Variants in EFL1 observed in about 807,000 individuals in gnomAD.
The protein encoded by EFL1 is elongation factor-like GTPase 1.
A neutral mutation model predicts 126.7 loss-of-function variants in EFL1; 76 were observed. The observed-to-expected ratio is 0.60, with a 90% CI of 0.50 to 0.73. EFL1 has a LOEUF of 0.73. EFL1 is among the 30% of genes least tolerant of loss of function. EFL1 has a pLI of 0.00. For missense variants in EFL1, 1,128 were observed against 1,343.2 expected (o/e 0.84, Z 2.50); for synonymous variants, 410 against 448.4 (o/e 0.91, Z 1.08).
intron 19 of EFL1, among the ~76,000 whole-genome samples, chr15:82,136,108 T>TA (rs373142289): frequency 0.011 from 1,672 of 145,834 alleles, 18 homozygotes; most frequent in South Asian, 0.037. Flanking sequence ...TACATTTTTC[T>TA]AAAAAAAAAA....
intron 15 of EFL1, among the ~76,000 whole-genome samples, chr15:82,167,250 T>G (rs2074089270): frequency 6.6e-6 from 1 of 152,194 alleles, no homozygotes; most frequent in African/African-American, 2.4e-5. Flanking sequence ...TGAAGATAAG[T>G]GATCAAACCC....
At chr15:82,189,434 A>G (rs904724318) in intron 15 of EFL1, among the ~76,000 whole-genome samples, 1 of 152,172 alleles carries the variant, frequency 6.6e-6, no homozygotes, top group African/African-American at 2.4e-5. Context: ...CATGAATCAC[A>G]TGTTTTTTCC....
intron 15 of EFL1, among the ~76,000 whole-genome samples, chr15:82,197,049 A>T (rs2074416030): frequency 1.3e-5 from 2 of 151,868 alleles, no homozygotes; most frequent in Non-Finnish European, 2.9e-5. Context: ...AAAAAAAAAA[A>T]TTGTGGCATC....
At chr15:82,138,268 T>TC (rs2073743610) in intron 19 of EFL1, among the ~76,000 whole-genome samples, 1 of 152,156 alleles carries the variant, frequency 6.6e-6, no homozygotes, top group Admixed American at 6.5e-5. Flanking sequence ...TATTTTTTTT[T>TC]CCCCTAGAAG....
chr15:82,238,887 C>G (rs1380219425), intron 6 of EFL1, among the ~76,000 whole-genome samples: 1 of 152,124 alleles, frequency 6.6e-6, no homozygotes, highest in Non-Finnish European at 1.5e-5. Flanking sequence ...CTGCCTTGCC[C>G]ATCTCTCACA....
intron 17 of EFL1, chr15:82,157,369 A>T (rs1193715737): frequency 5.8e-6 from 1 of 171,244 alleles, no homozygotes; most frequent in African/African-American, 2.4e-5. Flanking sequence ...TAAGAGAAGA[A>T]GTCTATCCTA....
intron 15 of EFL1, among the ~76,000 whole-genome samples, chr15:82,199,945 C>G (rs1466298811): frequency 6.6e-6 from 1 of 152,094 alleles, no homozygotes; most frequent in Admixed American, 6.5e-5. Flanking sequence ...GAACCAGATT[C>G]AAAAATGAAT....
intron 15 of EFL1, among the ~76,000 whole-genome samples, chr15:82,194,205 C>A (rs1166185825): frequency 6.6e-6 from 1 of 152,126 alleles, no homozygotes; most frequent in Non-Finnish European, 1.5e-5. Context: ...GTTCCTTTAT[C>A]GGGAGGTATC....
chr15:82,138,344 T>A (rs1009240900), intron 19 of EFL1, among the ~76,000 whole-genome samples: 2 of 152,058 alleles, frequency 1.3e-5, no homozygotes, highest in African/African-American at 4.8e-5. Flanking sequence ...AAAATATATA[T>A]TTGGATGAAA....
chr15:82,175,762 A>G (rs2074188617), intron 15 of EFL1, among the ~76,000 whole-genome samples: 1 of 152,274 alleles, frequency 6.6e-6, no homozygotes, highest in Admixed American at 6.5e-5. Context: ...CTGAGGTGGG[A>G]GAATTGCTTG....
In EFL1 at chr15:82,252,727, T is replaced by G. The variant is rs746154488; in HGVS notation, c.208A>C (p.Met70Leu). The G allele has an allele frequency of 1.8e-5, 29 of 1,613,564 alleles. No individual in the cohort carries two copies. The highest frequency in any genetic ancestry group is 1.6e-4 in the Middle Eastern group (1 of 6,062). ...TGTAGGGAAATGGCACTGGATTTCATAGTGATCCCTCGGATCTGTTCATCT... is the reference window on the plus strand; with the variant it reads ...TGTAGGGAAATGGCACTGGATTTCAGAGTGATCCCTCGGATCTGTTCATCT... ...REDEQIRGIT[M>L]KSSAISLHYA... The change falls in exon 4 of 20, where the codon ATG becomes CTG. Residue 70 changes from methionine (M) to leucine (L), a missense_variant. This residue lies in a region of EFL1 where 118 missense variants were observed against 188.1 expected (regional missense o/e 0.63). Coordinates refer to ENST00000268206, the MANE Select transcript of EFL1 (RefSeq NM_024580.6).
chr15:82,145,613 C>T (rs532833254), intron 18 of EFL1, among the ~76,000 whole-genome samples: 96 of 151,956 alleles, frequency 6.3e-4, no homozygotes, highest in Non-Finnish European at 1.2e-3. Flanking sequence ...GGGTGGATTA[C>T]CTGAGGTCAG....
chr15:82,171,586 A>C (rs557340495), intron 15 of EFL1, among the ~76,000 whole-genome samples: 1 of 152,378 alleles, frequency 6.6e-6, no homozygotes, highest in South Asian at 2.1e-4. Flanking sequence ...AATGTGAAAC[A>C]TAAAACCTGA....
intron 15 of EFL1, among the ~76,000 whole-genome samples, chr15:82,178,597 C>G (rs1232215726): frequency 6.6e-6 from 1 of 152,178 alleles, no homozygotes; most frequent in African/African-American, 2.4e-5. Flanking sequence ...AGGGCTGGGC[C>G]AAAAGGCAAA....
rs1237097630 is a variant in EFL1, at chr15:82,220,314, A to G, written c.1293-85T>C. The G allele has an allele frequency of 3.4e-6, 5 of 1,483,708 alleles. No individual in the cohort carries two copies. The African/African-American group carries it at 5.7e-5, about 17-fold the overall frequency. The allele number at this position is 1,483,708 out of a possible 1,614,324, so 91.9% of individuals were successfully genotyped here. A position where few individuals can be genotyped will look rare whatever the true frequency, so the allele number is the denominator to read the frequency against. Reference sequence around the variant, plus strand: ...GCATTGACATGGCTGGGTAAGATGAAGATTGGTCCCAGCTCCATTCCAGGC... The same window carrying G: ...GCATTGACATGGCTGGGTAAGATGAGGATTGGTCCCAGCTCCATTCCAGGC... On this transcript the variant is annotated intron_variant, in intron 12 of 19. Transcript: ENST00000268206.
At chr15:82,188,157 ATTG>A (rs1039290764) in intron 15 of EFL1, among the ~76,000 whole-genome samples, 1 of 152,266 alleles carries the variant, frequency 6.6e-6, no homozygotes, top group Non-Finnish European at 1.5e-5. Context: ...ACTTTAAACA[ATTG>A]TTGTCTTTAT....
intron 15 of EFL1, among the ~76,000 whole-genome samples, chr15:82,211,551 C>CACAT (rs1445744462): frequency 1.9e-5 from 2 of 105,118 alleles, no homozygotes; most frequent in East Asian, 5.2e-4. Context: ...AATCTATATA[C>CACAT]ACACACACAC....
At chr15:82,233,496 T>A (rs972982778) in intron 7 of EFL1, among the ~76,000 whole-genome samples, 1 of 152,208 alleles carries the variant, frequency 6.6e-6, no homozygotes, top group East Asian at 1.9e-4. Flanking sequence ...CCCTCCAAGC[T>A]ACCCAGTAGA....
intron 14 of EFL1, among the ~76,000 whole-genome samples, chr15:82,219,449 A>C (rs1307924362): frequency 1.3e-5 from 2 of 152,178 alleles, no homozygotes; most frequent in Non-Finnish European, 2.9e-5. Flanking sequence ...TTTGGTCCAC[A>C]TATTGGTTTC....
Sources: gnomAD v4.1 joint callset for allele counts (sites outside exome capture counted in the v4.1 genomes callset) on GRCh38, gnomAD v4.1.1 for gene constraint, gnomAD v4.1.1 regional missense constraint, MANE v1.5 for transcripts, NCBI Gene and HGNC (gene_info 2026-07-23, HGNC 2026-07-21) for gene names.